SSBP2: variants seen among roughly 807,000 people sequenced by gnomAD.
SSBP2 encodes single-stranded DNA-binding protein 2.
In SSBP2, 17 loss-of-function variants were observed where a neutral mutation model predicts 61.8. The ratio of observed to expected loss-of-function variants is 0.28; its 90% CI spans 0.19 to 0.41. SSBP2 has a LOEUF of 0.41. Among genes scored for constraint, SSBP2 ranks in the 10% least tolerant of loss-of-function variants. The pLI is 1.00. For missense variants in SSBP2, 310 were observed against 458.7 expected, an observed-to-expected ratio of 0.68 and a Z score of 2.96; for synonymous variants, 139 against 141.3, an observed-to-expected ratio of 0.98 and a Z score of 0.12.
intron 1 of SSBP2, among the ~76,000 whole-genome samples, chr5:81,660,685 C>A (rs1750607859): frequency 6.6e-6 from 1 of 152,278 alleles, no homozygotes. Flanking sequence ...ATAAATCATT[C>A]TACTATAAAG....
intron 5 of SSBP2, among the ~76,000 whole-genome samples, chr5:81,493,767 T>TA (rs61350493): frequency 1.3e-5 from 2 of 148,500 alleles, no homozygotes; most frequent in East Asian, 4.0e-4. Context: ...AAAAAAAAAA[T>TA]AAAATAAAAT....
intron 4 of SSBP2, among the ~76,000 whole-genome samples, chr5:81,563,366 G>C (rs1238318713): frequency 6.6e-6 from 1 of 151,980 alleles, no homozygotes; most frequent in Admixed American, 6.6e-5. Context: ...TCTCAAAGCA[G>C]ACCATAGAAC....
At chr5:81,727,990 G>A (rs904643779) in intron 1 of SSBP2, among the ~76,000 whole-genome samples, 3 of 152,156 alleles carry the variant, frequency 2.0e-5, no homozygotes, top group Admixed American at 6.5e-5. Flanking sequence ...CTGGGGAAAG[G>A]GAACACTGTC....
chr5:81,556,729 C>T (rs1772637882), intron 4 of SSBP2, among the ~76,000 whole-genome samples: 1 of 152,092 alleles, frequency 6.6e-6, no homozygotes, highest in Non-Finnish European at 1.5e-5. Context: ...TAGTTAAGAG[C>T]ACAAATTCTA....
intron 4 of SSBP2, among the ~76,000 whole-genome samples, chr5:81,531,159 G>A (rs1028965784): frequency 6.7e-6 from 1 of 150,010 alleles, no homozygotes; most frequent in African/African-American, 2.5e-5. Flanking sequence ...AATCACTTGA[G>A]CCCAGGAGGT....
chr5:81,528,942 GATTT>G (rs1770170763), intron 4 of SSBP2, among the ~76,000 whole-genome samples: 1 of 152,004 alleles, frequency 6.6e-6, no homozygotes, highest in African/African-American at 2.4e-5. Context: ...CCTAGAAACT[GATTT>G]ATTAAATAGA....
chr5:81,459,850 G>C (rs1398341377), intron 10 of SSBP2, among the ~76,000 whole-genome samples: 1 of 152,098 alleles, frequency 6.6e-6, no homozygotes. Context: ...AGGGTGTAAA[G>C]GTACTCTATT....
chr5:81,473,647 C>T (rs1765398256), intron 8 of SSBP2, 53 bp downstream of exon 8: 1 of 1,462,872 alleles, frequency 6.8e-7, no homozygotes, highest in Non-Finnish European at 9.6e-7. Flanking sequence ...CATTGATGGG[C>T]ATTTGGGTTG....
chr5:81,736,143 A>C lies in SSBP2; in HGVS notation c.62+14838T>G, dbSNP rs402433. 4.9e-4 allele frequency among the ~76,000 whole-genome samples: 37 copies of C among 75,420 alleles called. 1 individual carries two copies. Among genetic ancestry groups the C allele is most frequent in the South Asian group, 1.7e-3 (4 of 2,288 alleles). The allele number at this position is 75,420 out of a possible 152,430, so 49.5% of individuals were successfully genotyped here. On this transcript the variant is annotated intron_variant, in intron 1 of 16. Coordinates refer to ENST00000320672, the MANE Select transcript of SSBP2 (RefSeq NM_012446.5). Reference sequence around the variant, plus strand: ...TTCCAAAAACATCCTACTACCCTGAAACACACACACACACACACACACACA... The same window carrying C: ...TTCCAAAAACATCCTACTACCCTGACACACACACACACACACACACACACA...
intron 16 of SSBP2, among the ~76,000 whole-genome samples, chr5:81,427,437 CAG>C (rs2153903088): frequency 6.6e-6 from 1 of 152,166 alleles, no homozygotes; most frequent in African/African-American, 2.4e-5. Flanking sequence ...ACTCTAAAAA[CAG>C]GGGATGTCTT....
At chr5:81,489,408 A>C in intron 5 of SSBP2, 99 bp from the exon 6 acceptor site, 2 of 997,666 alleles carry the variant, frequency 2.0e-6, no homozygotes, top group African/African-American at 1.7e-5. Flanking sequence ...GAATTAATCA[A>C]ATCACAAATC....
At chr5:81,476,554 C>T (rs1393346477) in intron 6 of SSBP2, among the ~76,000 whole-genome samples, 1 of 152,170 alleles carries the variant, frequency 6.6e-6, no homozygotes, top group Non-Finnish European at 1.5e-5. Flanking sequence ...AGAAATGATG[C>T]TATGCCTTTC....
At chr5:81,547,036 CAA>C (rs61254614) in intron 4 of SSBP2, among the ~76,000 whole-genome samples, 14 of 53,880 alleles carry the variant, frequency 2.6e-4, no homozygotes, top group African/African-American at 1.2e-3. Context: ...AAATCTTGGC[CAA>C]AAAAAAAAAA....
chr5:81,499,477 G>C (rs1357400918), intron 5 of SSBP2, among the ~76,000 whole-genome samples: 1 of 152,172 alleles, frequency 6.6e-6, no homozygotes, highest in Non-Finnish European at 1.5e-5. Context: ...GGGAGACTAA[G>C]CTGTCTGCTG....
Position 81,578,463 on chromosome 5 carries a change from A to C in SSBP2, c.282+37010T>G, listed in dbSNP as rs191059989. ...AAAAGTCATCATATAATTGAATTTA[A>C]ATTGTTTCTGGATTTCAAAAAATGT... On this transcript the variant is annotated intron_variant, in intron 4 of 16. Coordinates refer to ENST00000320672, the MANE Select transcript of SSBP2 (RefSeq NM_012446.5). Among the ~76,000 whole-genome samples, 62 of 152,150 alleles carry C rather than the reference A, an allele frequency of 4.1e-4. No individual in the cohort carries two copies. In the East Asian group the frequency reaches 0.012, roughly 29 times the overall value.
At chr5:81,490,346 G>A (rs1318199356) in intron 5 of SSBP2, among the ~76,000 whole-genome samples, 1 of 151,714 alleles carries the variant, frequency 6.6e-6, no homozygotes, top group African/African-American at 2.4e-5. Flanking sequence ...TTTAAAATTT[G>A]ATTTTTTATT....
intron 6 of SSBP2, among the ~76,000 whole-genome samples, chr5:81,477,519 T>C (rs577040016): frequency 6.6e-6 from 1 of 152,190 alleles, no homozygotes; most frequent in African/African-American, 2.4e-5. Flanking sequence ...TACAATTATG[T>C]ATTTATTCAA....
intron 5 of SSBP2, among the ~76,000 whole-genome samples, chr5:81,490,614 T>A (rs894860862): frequency 6.6e-6 from 1 of 152,196 alleles, no homozygotes; most frequent in Admixed American, 6.5e-5. Flanking sequence ...CTACAAATAT[T>A]TTTAGAAATT....
At chr5:81,444,228 T>C (rs1763224649) in intron 12 of SSBP2, among the ~76,000 whole-genome samples, 2 of 152,220 alleles carry the variant, frequency 1.3e-5, no homozygotes, top group Admixed American at 6.5e-5. Context: ...TTAACTGTTT[T>C]TACATCCTTG....
Sources: gnomAD v4.1 joint callset for allele counts (sites outside exome capture counted in the v4.1 genomes callset) on GRCh38, gnomAD v4.1.1 for gene constraint, MANE v1.5 for transcripts, NCBI Gene and HGNC (gene_info 2026-07-23, HGNC 2026-07-21) for gene names.